Variants in ME1 observed in about 807,000 individuals in gnomAD.
ME1 encodes the protein malic enzyme 1.
ME1 carries 74 observed loss-of-function variants against 66.4 expected under a neutral mutation model. The ratio of observed to expected loss-of-function variants is 1.11; its 90% CI spans 0.92 to 1.35. The LOEUF (loss-of-function observed/expected upper bound fraction) is 1.35. Ranked by LOEUF, ME1 falls within the 40% of genes most tolerant of loss-of-function variation. ME1 has a pLI of 0.00. For missense variants in ME1, 750 were observed against 694.1 expected (o/e 1.08, Z -0.90); for synonymous variants, 251 against 235.6 (o/e 1.07, Z -0.60).
chr6:83,282,798 A>C (rs954413480), intron 6 of ME1, among the ~76,000 whole-genome samples: 1 of 152,206 alleles, frequency 6.6e-6, no homozygotes, highest in African/African-American at 2.4e-5. Flanking sequence ...TACTATAAAG[A>C]CACATGCACA....
intron 5 of ME1, among the ~76,000 whole-genome samples, chr6:83,339,581 C>T (rs1768533196): frequency 5.5e-5 from 1 of 18,134 alleles, no homozygotes; most frequent in African/African-American, 1.5e-4. Flanking sequence ...AAATGTCCAA[C>T]AATGATAGAC....
intron 6 of ME1, among the ~76,000 whole-genome samples, chr6:83,297,003 A>G (rs1038050545): frequency 6.6e-6 from 1 of 152,224 alleles, no homozygotes; most frequent in Admixed American, 6.5e-5. Context: ...GAAATTGATC[A>G]TCACAACGTA....
intron 6 of ME1, among the ~76,000 whole-genome samples, chr6:83,293,258 C>G (rs1767536745): frequency 6.6e-6 from 1 of 152,130 alleles, no homozygotes; most frequent in South Asian, 2.1e-4. Flanking sequence ...CCAGAGCGTT[C>G]CTATTCGGCC....
chr6:83,231,884 G>T (rs1790315746), intron 9 of ME1, among the ~76,000 whole-genome samples: 1 of 151,512 alleles, frequency 6.6e-6, no homozygotes, highest in East Asian at 1.9e-4. Flanking sequence ...AACATATTAT[G>T]GATAGCTGAA....
chr6:83,319,376 C>T (rs900002511), intron 5 of ME1, among the ~76,000 whole-genome samples: 21 of 151,554 alleles, frequency 1.4e-4, no homozygotes, highest in African/African-American at 4.8e-4. Context: ...GAACTGGTCC[C>T]GCATCACTCT....
intron 1 of ME1, among the ~76,000 whole-genome samples, chr6:83,414,262 T>A (rs1420253008): frequency 3.9e-5 from 6 of 152,026 alleles, no homozygotes; most frequent in Non-Finnish European, 2.9e-5. Context: ...TTACTTTGAA[T>A]GCATTTAACT....
intron 6 of ME1, among the ~76,000 whole-genome samples, chr6:83,264,254 C>T (rs1185799530): frequency 6.6e-6 from 1 of 152,120 alleles, no homozygotes; most frequent in East Asian, 1.9e-4. Context: ...CTAATGAGAC[C>T]TACTGCTCAA....
Position 83,227,332 on chromosome 6 carries a change from T to C in ME1, c.1275+3A>G. On this transcript the variant is annotated splice_donor_region_variant and intron_variant, in intron 11 of 13. Transcript: ENST00000369705. ...TAAAATATCTGTTATAGTTTTACTTTACCTTGGTTATTTTGTAGCACTGCT... is the reference window on the plus strand; with the variant it reads ...TAAAATATCTGTTATAGTTTTACTTCACCTTGGTTATTTTGTAGCACTGCT... 2 of 1,520,370 alleles carry C rather than the reference T, an allele frequency of 1.3e-6. No homozygotes were observed. The highest frequency in any genetic ancestry group is 1.8e-6 in the Non-Finnish European group (2 of 1,125,130). 94.2% of individuals were successfully genotyped at this position (1,520,370 alleles called of 1,614,324 possible).
Position 83,210,486 on chromosome 6 carries a change from A to G in ME1, c.*1438T>C, listed in dbSNP as rs924692103. 13 of 152,624 alleles carry G rather than the reference A, an allele frequency of 8.5e-5. No individual in the cohort carries two copies. Among genetic ancestry groups the G allele is most frequent in the Non-Finnish European group, 1.8e-4 (12 of 68,034 alleles). The allele number at this position is 152,624 out of a possible 1,614,324, so 9.5% of individuals were successfully genotyped here. A position where few individuals can be genotyped will look rare whatever the true frequency, so the allele number is the denominator to read the frequency against. ...TAGGTAAACACATTTAGTCAGAGCT[A>G]TAAGACAACATAGAAACAGACAAGA... On this transcript the variant is annotated 3_prime_UTR_variant, in exon 14 of 14. Transcript: ENST00000369705.
chr6:83,261,879 T>C (rs1766898213), intron 6 of ME1, among the ~76,000 whole-genome samples: 1 of 151,612 alleles, frequency 6.6e-6, no homozygotes, highest in Admixed American at 6.6e-5. Flanking sequence ...CTAGGCGTGG[T>C]GGCAGGCGCT....
chr6:83,343,422 C>T (rs941361536), intron 5 of ME1, among the ~76,000 whole-genome samples: 4 of 152,200 alleles, frequency 2.6e-5, no homozygotes, highest in Admixed American at 6.5e-5. Context: ...AGGTATTCTC[C>T]GGTGACCTGT....
chr6:83,426,409 C>A (rs1226811844), intron 1 of ME1, among the ~76,000 whole-genome samples: 1 of 152,188 alleles, frequency 6.6e-6, no homozygotes, highest in Non-Finnish European at 1.5e-5. Flanking sequence ...AGCAAGGTAA[C>A]AAACATATAC....
intron 6 of ME1, among the ~76,000 whole-genome samples, chr6:83,308,436 GTC>G (rs1287939389): frequency 6.7e-6 from 1 of 149,744 alleles, no homozygotes. Flanking sequence ...AGCTGAAGCT[GTC>G]TCTATATTTC....
chr6:83,316,153 G>C (rs968625140), intron 5 of ME1, among the ~76,000 whole-genome samples: 2 of 151,888 alleles, frequency 1.3e-5, no homozygotes, highest in Non-Finnish European at 2.9e-5. Context: ...TCAAACAATG[G>C]TTTTACTTTA....
At chr6:83,401,140 C>T (rs1769830106) in intron 2 of ME1, among the ~76,000 whole-genome samples, 1 of 151,966 alleles carries the variant, frequency 6.6e-6, no homozygotes, top group Non-Finnish European at 1.5e-5. Context: ...TATAATTTAC[C>T]AATTTGTATT....
In ME1 at chr6:83,305,835, C is replaced by A. The variant is rs1366588211; in HGVS notation, c.704+9475G>T. On this transcript the variant is annotated intron_variant, in intron 6 of 13. Coordinates refer to ENST00000369705, the MANE Select transcript of ME1 (RefSeq NM_002395.6). ...CCCCAAATCAATTTTCTAAGTTTGC[C>A]TCTTTAATTATTCTTTTCCTTTCCG... Among the ~76,000 whole-genome samples the A allele has an allele frequency of 5.9e-5, 9 of 152,188 alleles. No homozygotes were observed. The East Asian group carries it at 1.5e-3, about 26-fold the overall frequency.
intron 5 of ME1, among the ~76,000 whole-genome samples, chr6:83,316,076 A>C (rs1234675311): frequency 6.6e-6 from 1 of 152,200 alleles, no homozygotes; most frequent in Non-Finnish European, 1.5e-5. Context: ...TAGTTTTGAA[A>C]TATTAGCTTA....
At chr6:83,407,192 T>C (rs1769962463) in intron 2 of ME1, among the ~76,000 whole-genome samples, 1 of 151,738 alleles carries the variant, frequency 6.6e-6, no homozygotes, top group African/African-American at 2.4e-5. Context: ...TAAGAAAGAG[T>C]GGAGTCAAAA....
intron 3 of ME1, among the ~76,000 whole-genome samples, chr6:83,363,376 G>T (rs868445669): frequency 6.6e-6 from 1 of 152,140 alleles, no homozygotes; most frequent in African/African-American, 2.4e-5. Flanking sequence ...TGACCTGGAC[G>T]ATCAAGATGA....
Sources: allele counts gnomAD v4.1 joint callset (sites outside exome capture counted in the v4.1 genomes callset), GRCh38; gene constraint gnomAD v4.1.1; transcripts MANE v1.5; gene names NCBI Gene and HGNC (gene_info 2026-07-23, HGNC 2026-07-21).